Variants in HTR2C observed in about 807,000 individuals in gnomAD.
HTR2C encodes 5-hydroxytryptamine receptor 2C.
In HTR2C, 5 loss-of-function variants were observed where a neutral mutation model predicts 21.0. The ratio of observed to expected loss-of-function variants is 0.24; its 90% CI spans 0.12 to 0.50. The LOEUF (loss-of-function observed/expected upper bound fraction) is 0.50. Among genes scored for constraint, HTR2C ranks in the 20% least tolerant of loss-of-function variants. The pLI is 0.98. For synonymous variants in HTR2C, 150 were observed against 145.3 expected (o/e 1.03, Z -0.23); for missense variants, 271 against 371.2 (o/e 0.73, Z 2.22).
At chrX:114,814,168 T>G (rs2070560537) in intron 4 of HTR2C, among the ~76,000 whole-genome samples, 1 of 107,110 alleles carries the variant, frequency 9.3e-6, no homozygotes, top group African/African-American at 3.4e-5. Context: ...CACAGAAAAA[T>G]GAAAGGGAAA....
chrX:114,856,848 T>C (rs2070966810), intron 5 of HTR2C, among the ~76,000 whole-genome samples: 1 of 111,611 alleles, frequency 9.0e-6, no homozygotes, highest in Non-Finnish European at 1.9e-5. Context: ...GCTTGATTCA[T>C]GCCAAGGCAC....
At chrX:114,695,611 T>A (rs1220773161) in intron 2 of HTR2C, among the ~76,000 whole-genome samples, 1 of 112,191 alleles carries the variant, frequency 8.9e-6, no homozygotes, top group African/African-American at 3.2e-5. Flanking sequence ...CACTGAAATC[T>A]TTTGAAGAGC....
At position 114,848,034 on chromosome X, in the gene HTR2C, C is replaced by T. The variant is rs1556468146; in HGVS notation, c.381C>T (p.Cys127=). The T allele has an allele frequency of 8.3e-7, 1 of 1,208,284 alleles. No homozygotes were observed. Among genetic ancestry groups the T allele is most frequent in the Admixed American group, 2.2e-5 (1 of 45,943 alleles). ...TCTGGCCACTACCTAGATATTTGTGCCCCGTCTGGATTTCTTTAGATGTTT... is the reference window on the plus strand; with the variant it reads ...TCTGGCCACTACCTAGATATTTGTGTCCCGTCTGGATTTCTTTAGATGTTT... The part of the protein sequence containing the change: ...DYVWPLPRYL[C]PVWISLDVLF... The change falls in exon 5 of 6, where the codon TGC becomes TGT. Residue 127 remains cysteine (C), a synonymous_variant. Coordinates refer to ENST00000276198, the MANE Select transcript of HTR2C (RefSeq NM_000868.4).
At chrX:114,644,100 T>A (rs1930238583) in intron 2 of HTR2C, among the ~76,000 whole-genome samples, 1 of 108,291 alleles carries the variant, frequency 9.2e-6, no homozygotes, top group Non-Finnish European at 1.9e-5. Flanking sequence ...CCCAGCTCTT[T>A]GGGAGGCGGA....
chrX:114,800,717 G>T (rs1556446580), intron 4 of HTR2C, among the ~76,000 whole-genome samples: 4 of 111,618 alleles, frequency 3.6e-5, no homozygotes, highest in Non-Finnish European at 7.5e-5. Flanking sequence ...ATTACTAGCA[G>T]AATCTTTACA....
chrX:114,688,188 G>A (rs1298328963), intron 2 of HTR2C, among the ~76,000 whole-genome samples: 1 of 108,882 alleles, frequency 9.2e-6, no homozygotes, highest in Non-Finnish European at 1.9e-5. Flanking sequence ...GAGTGTGGTG[G>A]CACCTGCCTG....
intron 2 of HTR2C, among the ~76,000 whole-genome samples, chrX:114,707,418 TAAATA>T (rs1474790790): frequency 9.1e-6 from 1 of 110,461 alleles, no homozygotes; most frequent in Non-Finnish European, 1.9e-5. Flanking sequence ...AATAAATAAA[TAAATA>T]AAATAAAAAC....
At chrX:114,678,766 C>A (rs919774378) in intron 2 of HTR2C, among the ~76,000 whole-genome samples, 1 of 111,219 alleles carries the variant, frequency 9.0e-6, no homozygotes, top group African/African-American at 3.3e-5. Flanking sequence ...TCATCTCCCA[C>A]CCCCCATTCA....
At chrX:114,618,088 C>CACTTCAGTGAAATTCCAGTG (rs1929019317) in intron 2 of HTR2C, among the ~76,000 whole-genome samples, 1 of 111,812 alleles carries the variant, frequency 8.9e-6, no homozygotes, top group African/African-American at 3.2e-5. Context: ...CAGTTGAAGT[C>CACTTCAGTGAAATTCCAGTG]AAAACACATG....
chrX:114,891,455 C>CT (rs1375273273), intron 5 of HTR2C, among the ~76,000 whole-genome samples: 2 of 109,746 alleles, frequency 1.8e-5, no homozygotes, highest in African/African-American at 6.6e-5. Context: ...TGGACTCAAA[C>CT]TATAAAACCT....
intron 1 of HTR2C, among the ~76,000 whole-genome samples, chrX:114,590,932 G>A (rs189042481): frequency 1.3e-4 from 15 of 111,697 alleles, no homozygotes; most frequent in African/African-American, 3.9e-4. Context: ...AGAAAGAAGC[G>A]CAAGTTTTCT....
chrX:114,894,919 G>A (rs1222735712), intron 5 of HTR2C, among the ~76,000 whole-genome samples: 4 of 110,621 alleles, frequency 3.6e-5, no homozygotes, highest in South Asian at 3.9e-4. Context: ...GGGTTTCACC[G>A]TGTTGGCCAG....
chrX:114,629,343 C>T (rs971442551), intron 2 of HTR2C, among the ~76,000 whole-genome samples: 1 of 111,615 alleles, frequency 9.0e-6, no homozygotes, highest in African/African-American at 3.3e-5. Context: ...TTTTTAAAAG[C>T]CGTTAGCCAA....
At chrX:114,625,354 G>C (rs1230643080) in intron 2 of HTR2C, among the ~76,000 whole-genome samples, 4 of 111,790 alleles carry the variant, frequency 3.6e-5, no homozygotes, top group African/African-American at 1.3e-4. Flanking sequence ...GAGGAGTTGG[G>C]TCATGAGGTA....
intron 2 of HTR2C, among the ~76,000 whole-genome samples, chrX:114,718,338 A>T (rs1380724225): frequency 8.9e-6 from 1 of 112,030 alleles, no homozygotes; most frequent in Non-Finnish European, 1.9e-5. Context: ...ATAGTTTGCA[A>T]TTTATTTCCA....
chrX:114,851,929 G>A (rs1387883196), intron 5 of HTR2C, among the ~76,000 whole-genome samples: 1 of 110,756 alleles, frequency 9.0e-6, no homozygotes, highest in African/African-American at 3.3e-5. Flanking sequence ...CAGGACTCTT[G>A]CTACTTTCCA....
At chrX:114,836,022 G>A (rs1556463626) in intron 4 of HTR2C, among the ~76,000 whole-genome samples, 2 of 108,184 alleles carry the variant, frequency 1.8e-5, no homozygotes, top group Admixed American at 9.9e-5. Context: ...CTGCTCGGGG[G>A]TCAGGGGTCA....
At chrX:114,903,100 G>A (rs1235919733) in intron 5 of HTR2C, among the ~76,000 whole-genome samples, 4 of 111,357 alleles carry the variant, frequency 3.6e-5, no homozygotes. Context: ...CCCCCCTAGG[G>A]TCCTTGAATC....
chrX:114,608,932 G>A (rs1569477807), intron 1 of HTR2C, among the ~76,000 whole-genome samples: 1 of 111,979 alleles, frequency 8.9e-6, no homozygotes, highest in East Asian at 2.8e-4. Context: ...GCAGTTGAAT[G>A]TCATAAGAAG....
Sources: allele counts gnomAD v4.1 joint callset (sites outside exome capture counted in the v4.1 genomes callset), GRCh38; gene constraint gnomAD v4.1.1; transcripts MANE v1.5; gene names NCBI Gene and HGNC (gene_info 2026-07-23, HGNC 2026-07-21).